SMAD3: variants seen among roughly 807,000 people sequenced by gnomAD.
SMAD3 encodes MAD homolog 3.
In SMAD3, 12 loss-of-function variants were observed where a neutral mutation model predicts 51.8. The observed-to-expected ratio is 0.23, with a 90% CI of 0.15 to 0.38. The LOEUF is 0.38. Ranked by LOEUF, SMAD3 falls within the 10% of genes least tolerant of loss-of-function variation. SMAD3 has a pLI of 1.00. For synonymous variants in SMAD3, 238 were observed against 227.7 expected, an observed-to-expected ratio of 1.05 and a Z score of -0.41; for missense variants, 294 against 565.6, an observed-to-expected ratio of 0.52 and a Z score of 4.87.
intron 1 of SMAD3, among the ~76,000 whole-genome samples, chr15:67,075,626 C>T (rs534001819): frequency 1.3e-5 from 2 of 152,120 alleles, no homozygotes; most frequent in African/African-American, 4.8e-5. Context: ...TAGAAATCAA[C>T]CCAAGTGGCC....
chr15:67,116,185 C>T lies in SMAD3; in HGVS notation c.207-48710C>T, dbSNP rs1339569644. On this transcript the variant is annotated intron_variant, in intron 1 of 8. Coordinates refer to ENST00000327367, the MANE Select transcript of SMAD3 (RefSeq NM_005902.4). ...ATTATGGAGATGGCAGTGGTTGACACTGTCTGAGAGCAGCTCCCAGATAAA... is the reference window on the plus strand; with the variant it reads ...ATTATGGAGATGGCAGTGGTTGACATTGTCTGAGAGCAGCTCCCAGATAAA... Among the ~76,000 whole-genome samples, 4 of 152,096 alleles carry T rather than the reference C, an allele frequency of 2.6e-5. No individual in the cohort carries two copies. The Admixed American group carries it at 2.6e-4, about 10-fold the overall frequency.
chr15:67,142,880 G>A, intron 1 of SMAD3: 1 of 454,156 alleles, frequency 2.2e-6, no homozygotes, highest in Non-Finnish European at 4.4e-6. Flanking sequence ...GATCCCATGT[G>A]CAGGAGACAG....
intron 1 of SMAD3, among the ~76,000 whole-genome samples, chr15:67,116,602 G>C (rs1464964825): frequency 1.3e-5 from 2 of 152,198 alleles, no homozygotes; most frequent in African/African-American, 4.8e-5. Flanking sequence ...TAGTGGTTCT[G>C]CAATTAGTCT....
chr15:67,131,675 C>T (rs2140253381), intron 1 of SMAD3, among the ~76,000 whole-genome samples: 2 of 152,262 alleles, frequency 1.3e-5, no homozygotes, highest in Middle Eastern at 3.4e-3. Context: ...CTCGAGAGCC[C>T]TAACTTAGCC....
At chr15:67,092,057 G>A (rs956892300) in intron 1 of SMAD3, among the ~76,000 whole-genome samples, 1 of 152,130 alleles carries the variant, frequency 6.6e-6, no homozygotes, top group Non-Finnish European at 1.5e-5. Flanking sequence ...GCCGACCCAA[G>A]GTAGAAAAGG....
At chr15:67,171,663 C>T (rs1211139407) in intron 5 of SMAD3, among the ~76,000 whole-genome samples, 1 of 152,194 alleles carries the variant, frequency 6.6e-6, no homozygotes, top group African/African-American at 2.4e-5. Flanking sequence ...GATGAAGAAA[C>T]TCATCATTTG....
rs568333018 is a variant in SMAD3 at position 67,176,905 on chromosome 15, C to T, written c.659-4336C>T. Among the ~76,000 whole-genome samples, 646 of 152,278 alleles carry T rather than the reference C, an allele frequency of 4.2e-3. 2 individuals carry two copies. Among genetic ancestry groups the T allele is most frequent in the Non-Finnish European group, 7.0e-3 (478 of 68,022 alleles). ...GAGCAGGGCTGTTTGAAGGGAAGGCCGTGGGCACGTGCCATCGTCTACCAC... is the reference window on the plus strand; with the variant it reads ...GAGCAGGGCTGTTTGAAGGGAAGGCTGTGGGCACGTGCCATCGTCTACCAC... On this transcript the variant is annotated intron_variant, in intron 5 of 8. Transcript: ENST00000327367.
At chr15:67,150,219 A>G (rs1375746941) in intron 1 of SMAD3, among the ~76,000 whole-genome samples, 2 of 152,204 alleles carry the variant, frequency 1.3e-5, no homozygotes, top group African/African-American at 4.8e-5. Context: ...CATGTTATGC[A>G]GCACTTGTGA....
In SMAD3 at chr15:67,153,553, CA is replaced by C. The variant is rs1459725870; in HGVS notation, c.207-11341del. On this transcript the variant is annotated intron_variant, in intron 1 of 8. Coordinates refer to ENST00000327367, the MANE Select transcript of SMAD3 (RefSeq NM_005902.4). The stretch of plus-strand genomic sequence containing the variant: ...CTCATCTCAGAGCATTTCCTTAGCC[CA>C]GGGGGATCTCAAGGGGAGGGAAGAG... 3.9e-5 allele frequency among the ~76,000 whole-genome samples: 6 copies of C among 152,210 alleles called. No individual in the cohort carries two copies. In the East Asian group the frequency reaches 1.2e-3, roughly 29 times the overall value.
chr15:67,157,822 C>T (rs548070850), intron 1 of SMAD3, among the ~76,000 whole-genome samples: 10 of 152,310 alleles, frequency 6.6e-5, no homozygotes, highest in Non-Finnish European at 1.2e-4. Context: ...GGACACTTTA[C>T]GGGTCCCGCT....
At chr15:67,133,139 T>A (rs1961566578) in intron 1 of SMAD3, among the ~76,000 whole-genome samples, 1 of 152,220 alleles carries the variant, frequency 6.6e-6, no homozygotes. Flanking sequence ...GACCATGGCC[T>A]CCCTGATGTG....
intron 1 of SMAD3, 107 bp downstream of exon 1, chr15:67,066,467 G>A: frequency 2.2e-6 from 2 of 906,264 alleles, no homozygotes; most frequent in Non-Finnish European, 3.5e-6. Flanking sequence ...GAGAGGGAGG[G>A]AGTGAGACTG....
chr15:67,066,445 G>A, intron 1 of SMAD3, 85 bp downstream of exon 1: 2 of 1,093,390 alleles, frequency 1.8e-6, no homozygotes. Context: ...GCTGGAGATG[G>A]GAAGAGGGAG....
At chr15:67,089,346 G>C (rs895219942) in intron 1 of SMAD3, among the ~76,000 whole-genome samples, 1 of 152,126 alleles carries the variant, frequency 6.6e-6, no homozygotes, top group Non-Finnish European at 1.5e-5. Context: ...GCCAGTCTTC[G>C]TCCTCAGCCT....
At chr15:67,175,834 G>A (rs947387983) in intron 5 of SMAD3, among the ~76,000 whole-genome samples, 13 of 152,212 alleles carry the variant, frequency 8.5e-5, no homozygotes, top group African/African-American at 2.9e-4. Context: ...CCAGTTCCAG[G>A]CATCTTCATG....
intron 4 of SMAD3, among the ~76,000 whole-genome samples, chr15:67,168,366 G>C (rs1409913584): frequency 6.6e-6 from 1 of 152,190 alleles, no homozygotes; most frequent in East Asian, 1.9e-4. Flanking sequence ...CCCACCCGGC[G>C]GAGTGACTAG....
At chr15:67,148,766 C>T (rs1314903849) in intron 1 of SMAD3, among the ~76,000 whole-genome samples, 1 of 152,212 alleles carries the variant, frequency 6.6e-6, no homozygotes, top group Non-Finnish European at 1.5e-5. Flanking sequence ...GAGATCTTTG[C>T]TTATTTCCTA....
At chr15:67,108,242 G>A (rs1960926099) in intron 1 of SMAD3, among the ~76,000 whole-genome samples, 1 of 152,162 alleles carries the variant, frequency 6.6e-6, no homozygotes, top group Admixed American at 6.5e-5. Context: ...TTACGCATTT[G>A]TGGAGTGACT....
intron 1 of SMAD3, among the ~76,000 whole-genome samples, chr15:67,100,589 GATATATTGTGATAAATATATCA>G (rs1211507463): frequency 3.9e-5 from 6 of 151,946 alleles, no homozygotes; most frequent in South Asian, 2.1e-4. Flanking sequence ...GATATACTGT[GATATATTGTGATAAATATATCA>G]ATATATTGTG....
Sources: gnomAD v4.1 joint callset for allele counts (sites outside exome capture counted in the v4.1 genomes callset) on GRCh38, gnomAD v4.1.1 for gene constraint, MANE v1.5 for transcripts, NCBI Gene and HGNC (gene_info 2026-07-23, HGNC 2026-07-21) for gene names.